CASZ1: variants seen among roughly 807,000 people sequenced by gnomAD.
CASZ1 encodes the protein castor zinc finger 1.
Under a neutral mutation model 135.2 loss-of-function variants are expected in CASZ1, and 28 were observed. That is an observed-to-expected ratio of 0.21 (90% CI 0.15 to 0.28). The LOEUF is 0.28. CASZ1 is among the 10% of genes least tolerant of loss of function. The pLI is 1.00. For missense variants in CASZ1, 2,161 were observed against 2,453.3 expected (o/e 0.88, Z 2.52); for synonymous variants, 1,068 against 1,073.4 (o/e 0.99, Z 0.10).
intron 1 of CASZ1, among the ~76,000 whole-genome samples, chr1:10,778,445 ATCTCATACAG>A (rs915053307): frequency 5.9e-5 from 9 of 152,056 alleles, no homozygotes; most frequent in African/African-American, 1.9e-4. Flanking sequence ...TCCTCATACA[ATCTCATACAG>A]AATCACACAA....
rs117283910 is a variant in CASZ1, at chr1:10,737,286, C to G, written c.-77+23415G>C. 3.8e-3 allele frequency among the ~76,000 whole-genome samples: 582 copies of G among 152,304 alleles called. 21 individuals carry two copies. In the East Asian group the frequency reaches 0.095, roughly 25 times the overall value. On this transcript the variant is annotated intron_variant, in intron 2 of 20. Transcript: ENST00000377022. ...TTAGCGGTGGAGGCACAGCCCCGCT[C>G]CAACCCTGGGCGTCCCCCTCACCCT...
rs1639407576 is a variant in CASZ1 at position 10,717,034 on chromosome 1, T to A, written c.-76-11490A>T. On this transcript the variant is annotated intron_variant, in intron 2 of 20. Coordinates refer to ENST00000377022, the MANE Select transcript of CASZ1 (RefSeq NM_001079843.3). The surrounding 1 kb of genome is among the most constrained non-coding windows in gnomAD (Gnocchi z 4.6). ...CACAGACCTAGCAGAGGGCTGGGCC[T>A]CAGGGCTCCCCTAGAGAGACTCAGA... is the stretch of plus-strand genomic sequence containing the variant. 6.6e-6 allele frequency among the ~76,000 whole-genome samples: 1 copy of A among 152,082 alleles called. No individual in the cohort carries two copies. The highest frequency in any genetic ancestry group is 1.5e-5 in the Non-Finnish European group (1 of 67,984).
chr1:10,728,966 C>G (rs1378892892), intron 2 of CASZ1, among the ~76,000 whole-genome samples: 1 of 152,156 alleles, frequency 6.6e-6, no homozygotes, highest in African/African-American at 2.4e-5. Flanking sequence ...AAACAAGAGG[C>G]CTTCCCCCCC....
At chr1:10,784,501 T>C (rs710139) in intron 1 of CASZ1, among the ~76,000 whole-genome samples, 127,130 of 152,238 alleles carry the variant, frequency 0.84, 53,264 homozygotes, top group Non-Finnish European at 0.87. Context: ...CTGTATGAGA[T>C]GGTACAGACC....
intron 2 of CASZ1, among the ~76,000 whole-genome samples, chr1:10,723,945 C>T (rs887552408): frequency 1.1e-4 from 17 of 152,138 alleles, no homozygotes; most frequent in African/African-American, 2.7e-4. Flanking sequence ...GGGTTCTTCC[C>T]GAGTCCAAAC....
chr1:10,699,941 T>G lies in CASZ1; in HGVS notation c.-24+5551A>C, dbSNP rs1570496273. On this transcript the variant is annotated intron_variant, in intron 3 of 20. Coordinates refer to ENST00000377022, the MANE Select transcript of CASZ1 (RefSeq NM_001079843.3). This position sits in a 1 kb window ranked among gnomAD's most constrained non-coding sequence, Gnocchi z 4.6. ...AGAGAGGTAGGTGGGAAGAAAAAGGTGAGAAGAAACAGAAGAGAAGCAGAG... is the reference window on the plus strand; with the variant it reads ...AGAGAGGTAGGTGGGAAGAAAAAGGGGAGAAGAAACAGAAGAGAAGCAGAG... Among the ~76,000 whole-genome samples, 1 of 144,604 alleles carries G rather than the reference T, an allele frequency of 6.9e-6. No homozygotes were observed. The highest frequency in any genetic ancestry group is 2.6e-5 in the African/African-American group (1 of 38,772). 94.9% of individuals were successfully genotyped at this position (144,604 alleles called of 152,430 possible).
At position 10,776,049 on chromosome 1, in the gene CASZ1, C is replaced by T. The variant is rs142776632; in HGVS notation, c.-233-15192G>A. Among the ~76,000 whole-genome samples the T allele has an allele frequency of 0.015, 2,314 of 152,342 alleles. 31 individuals carry two copies. Among genetic ancestry groups the T allele is most frequent in the Non-Finnish European group, 0.022 (1,507 of 68,030 alleles). On this transcript the variant is annotated intron_variant, in intron 1 of 20. Coordinates refer to ENST00000377022, the MANE Select transcript of CASZ1 (RefSeq NM_001079843.3). This position sits in a 1 kb window ranked among gnomAD's most constrained non-coding sequence, Gnocchi z 4.1. The stretch of plus-strand genomic sequence containing the variant: ...CTGCTCGGTCCCTGTAGCTAATTTA[C>T]ACCCGTCAGGGTTTAAAATAGCAGA...
chr1:10,776,858 C>T lies in CASZ1; in HGVS notation c.-233-16001G>A, dbSNP rs751666157. On this transcript the variant is annotated intron_variant, in intron 1 of 20. Transcript: ENST00000377022. This position sits in a 1 kb window ranked among gnomAD's most constrained non-coding sequence, Gnocchi z 4.1. ...TGGGGCTAGAACCACCTCACCTTCT[C>T]ACCATCCAGTGCTCTTTCTTCAACA... Among the ~76,000 whole-genome samples, 2 of 152,226 alleles carry T rather than the reference C, an allele frequency of 1.3e-5. No homozygotes were observed. Among genetic ancestry groups the T allele is most frequent in the African/African-American group, 2.4e-5 (1 of 41,456 alleles).
In CASZ1 at chr1:10,731,860, T is replaced by C. The variant is rs1402515540; in HGVS notation, c.-76-26316A>G. 5.9e-5 allele frequency among the ~76,000 whole-genome samples: 9 copies of C among 152,216 alleles called. No homozygotes were observed. In the East Asian group the frequency reaches 1.7e-3, roughly 29 times the overall value. ...AACTTGCCAAAAAATGTAAAGCAAC[T>C]CCACTCTTCTCACTAAAATTTTGTT... On this transcript the variant is annotated intron_variant, in intron 2 of 20. Coordinates refer to ENST00000377022, the MANE Select transcript of CASZ1 (RefSeq NM_001079843.3).
chr1:10,738,558 G>A (rs1570542308), intron 2 of CASZ1, among the ~76,000 whole-genome samples: 1 of 152,284 alleles, frequency 6.6e-6, no homozygotes, highest in South Asian at 2.1e-4. Context: ...GGAGGCTGCA[G>A]GGCCATGGGG....
chr1:10,680,923 C>T (rs1254433457), intron 4 of CASZ1, among the ~76,000 whole-genome samples: 1 of 152,142 alleles, frequency 6.6e-6, no homozygotes, highest in African/African-American at 2.4e-5. Flanking sequence ...TTTTTGGAGA[C>T]AGGGTCTTAC....
At chr1:10,733,386 G>A (rs561006281) in intron 2 of CASZ1, among the ~76,000 whole-genome samples, 9 of 152,254 alleles carry the variant, frequency 5.9e-5, no homozygotes, top group African/African-American at 1.4e-4. Context: ...CCTGACACTC[G>A]CCACTGCCGA....
intron 2 of CASZ1, among the ~76,000 whole-genome samples, chr1:10,746,692 A>C (rs945860091): frequency 2.6e-5 from 4 of 152,200 alleles, no homozygotes; most frequent in African/African-American, 9.6e-5. Context: ...CCTAGACCCC[A>C]GCCCATGTCT....
intron 4 of CASZ1, among the ~76,000 whole-genome samples, chr1:10,685,197 C>G (rs901707540): frequency 6.6e-6 from 1 of 152,230 alleles, no homozygotes; most frequent in Non-Finnish European, 1.5e-5. Flanking sequence ...CCACTGCGGC[C>G]GGGCCCTGCA....
intron 4 of CASZ1, among the ~76,000 whole-genome samples, chr1:10,680,331 G>A (rs1193685568): frequency 6.6e-6 from 1 of 152,026 alleles, no homozygotes; most frequent in Non-Finnish European, 1.5e-5. Context: ...GGTGGAGGAA[G>A]GAGCTGAACT....
chr1:10,771,435 T>C (rs2100593892), intron 1 of CASZ1, among the ~76,000 whole-genome samples: 1 of 152,248 alleles, frequency 6.6e-6, no homozygotes, highest in East Asian at 1.9e-4. Context: ...TGGTTTCGGG[T>C]ACTTCTAGTC....
intron 1 of CASZ1, among the ~76,000 whole-genome samples, chr1:10,791,986 ACTCGTAAGC>A (rs1053097471): frequency 9.2e-5 from 14 of 151,846 alleles, no homozygotes; most frequent in African/African-American, 2.9e-4. Context: ...GCTCTTTTCT[ACTCGTAAGC>A]CTCTGTTCTG....
At position 10,651,050 on chromosome 1, in the gene CASZ1, T is replaced by C. The variant is rs773342534; in HGVS notation, c.2707A>G (p.Arg903Gly). 1.9e-6 allele frequency: 3 copies of C among 1,541,724 alleles called. No homozygotes were observed. The highest frequency in any genetic ancestry group is 4.6e-5 in the Admixed American group (2 of 43,058). ...PGSGQQVTPA[R>G]FPPAQVKPEP... The stretch of plus-strand genomic sequence containing the variant: ...GGCTTCACTTGGGCCGGGGGGAACC[T>C]GGCTGGGGTGACCTGCTGCCCGCTT... The change falls in exon 12 of 21, where the codon AGG becomes GGG. Residue 903 changes from arginine (R) to glycine (G), a missense_variant. By Grantham distance (125) the Arg-to-Gly change is moderately radical (BLOSUM62 -2). Around this residue, in one of 7 missense-constraint regions of CASZ1, gnomAD observed 406 missense variants for 387.6 expected, o/e 1.05. Transcript: ENST00000377022.
intron 2 of CASZ1, among the ~76,000 whole-genome samples, chr1:10,742,794 G>A (rs1639949069): frequency 6.6e-6 from 1 of 152,026 alleles, no homozygotes. Context: ...GACCAGCCCG[G>A]GCAACATGGT....
Sources: allele counts gnomAD v4.1 joint callset (sites outside exome capture counted in the v4.1 genomes callset), GRCh38; gene constraint gnomAD v4.1.1; regional missense constraint gnomAD v4.1.1; non-coding constraint Gnocchi (gnomAD v3.1); transcripts MANE v1.5; gene names NCBI Gene and HGNC (gene_info 2026-07-23, HGNC 2026-07-21).